OXR1: variants seen among roughly 807,000 people sequenced by gnomAD.
The protein encoded by OXR1 is oxidation resistance protein 1.
A neutral mutation model predicts 104.6 loss-of-function variants in OXR1; 41 were observed. The ratio of observed to expected loss-of-function variants is 0.39; its 90% confidence interval spans 0.31 to 0.51. The LOEUF (loss-of-function observed/expected upper bound fraction) is 0.51, where lower values mean the gene tolerates loss of function less well. Among genes scored for constraint, OXR1 ranks in the 20% least tolerant of loss-of-function variants. The probability of loss-of-function intolerance (pLI) is 0.77; values close to 1 mark genes in which losing one functional copy is unlikely to be tolerated. For synonymous variants in OXR1, 348 were observed against 348.4 expected, an observed-to-expected ratio of 1.00 and a Z score of 0.01; for missense variants, 955 against 1,031.9, an observed-to-expected ratio of 0.93 and a Z score of 1.02.
intron 3 of OXR1, among the ~76,000 whole-genome samples, chr8:106,561,613 G>A (rs745978643): frequency 2.6e-5 from 4 of 152,150 alleles, no homozygotes; most frequent in Non-Finnish European, 2.9e-5. Context: ...CCAGCAGAGC[G>A]ATCGAGCTCT....
rs762129093 is a variant in OXR1, at chr8:106,713,886, C to A, written c.1857C>A (p.Gly619=). 1 of 1,590,136 alleles carries A rather than the reference C, an allele frequency of 6.3e-7. No homozygotes were observed. Among genetic ancestry groups the A allele is most frequent in the Admixed American group, 1.8e-5 (1 of 54,084 alleles). ...WSPEIYAEDT[G]EYTREPGFIV... ...CAGAAATATATGCAGAAGATACTGG[C>A]GAATATACCAGAGAACCTGGATTTA... The change falls in exon 11 of 17, where the codon GGC becomes GGA. Residue 619 remains glycine, a synonymous_variant. Transcript: ENST00000517566.
At chr8:106,413,542 A>G (rs1045450431) in intron 2 of OXR1, among the ~76,000 whole-genome samples, 1 of 152,142 alleles carries the variant, frequency 6.6e-6, no homozygotes, top group African/African-American at 2.4e-5. Flanking sequence ...GTAACACTGA[A>G]AAGACTTTTA....
chr8:106,566,392 A>C (rs1817077214), intron 3 of OXR1, among the ~76,000 whole-genome samples: 1 of 152,160 alleles, frequency 6.6e-6, no homozygotes, highest in African/African-American at 2.4e-5. Context: ...CTGGTCATTA[A>C]AGAAATGCAA....
intron 3 of OXR1, among the ~76,000 whole-genome samples, chr8:106,577,924 T>C (rs943588670): frequency 6.6e-6 from 1 of 152,204 alleles, no homozygotes; most frequent in Non-Finnish European, 1.5e-5. Flanking sequence ...CAGCAACTAC[T>C]GAATTCAGTT....
intron 2 of OXR1, among the ~76,000 whole-genome samples, chr8:106,374,174 A>T (rs921581930): frequency 1.3e-5 from 2 of 152,194 alleles, no homozygotes; most frequent in Admixed American, 1.3e-4. Context: ...CTAGACACAC[A>T]TAGATCACTG....
At chr8:106,623,878 A>G (rs910603294) in intron 3 of OXR1, among the ~76,000 whole-genome samples, 4 of 152,218 alleles carry the variant, frequency 2.6e-5, no homozygotes, top group Non-Finnish European at 4.4e-5. Flanking sequence ...ATCATGTGAG[A>G]AAATTGTCCA....
At chr8:106,337,388 T>C (rs929053488) in intron 1 of OXR1, among the ~76,000 whole-genome samples, 2 of 152,248 alleles carry the variant, frequency 1.3e-5, no homozygotes, top group South Asian at 2.1e-4. Flanking sequence ...CTTGACATTT[T>C]ATGAGATATT....
At chr8:106,328,814 C>T (rs926369392) in intron 1 of OXR1, among the ~76,000 whole-genome samples, 3 of 152,162 alleles carry the variant, frequency 2.0e-5, no homozygotes, top group African/African-American at 7.2e-5. Flanking sequence ...TTTCTTATTC[C>T]AGAGTCAATA....
intron 1 of OXR1, among the ~76,000 whole-genome samples, chr8:106,336,984 C>T (rs915569141): frequency 6.6e-6 from 1 of 152,260 alleles, no homozygotes; most frequent in Non-Finnish European, 1.5e-5. Context: ...TAAAACTGTA[C>T]TTATATTTTG....
At chr8:106,373,239 A>G (rs1365323512) in intron 2 of OXR1, among the ~76,000 whole-genome samples, 1 of 152,176 alleles carries the variant, frequency 6.6e-6, no homozygotes, top group Non-Finnish European at 1.5e-5. Flanking sequence ...AATCCTTCAT[A>G]GATACTAAGG....
At chr8:106,574,443 C>G (rs1321469655) in intron 3 of OXR1, among the ~76,000 whole-genome samples, 1 of 152,208 alleles carries the variant, frequency 6.6e-6, no homozygotes, top group Non-Finnish European at 1.5e-5. Context: ...AGAAACATGA[C>G]CCAAATGTTG....
rs147809369 is a variant in OXR1, at chr8:106,482,861, A to T, written c.24-36082A>T. 7.7e-3 allele frequency among the ~76,000 whole-genome samples: 1,166 copies of T among 151,772 alleles called. 16 individuals carry two copies. Among genetic ancestry groups the T allele is most frequent in the African/African-American group, 0.027 (1,102 of 41,388 alleles). The stretch of plus-strand genomic sequence containing the variant: ...TCATGATGTGTAAAAATTTAGATCA[A>T]TTTTTTTAGTAATGAGTACAGAGTG... On this transcript the variant is annotated intron_variant, in intron 2 of 16. Transcript: ENST00000517566.
intron 1 of OXR1, among the ~76,000 whole-genome samples, chr8:106,318,170 AT>A (rs1814054680): frequency 6.6e-6 from 1 of 152,232 alleles, no homozygotes; most frequent in African/African-American, 2.4e-5. Context: ...ATTAAAAAAA[AT>A]CAATGGCTTT....
At chr8:106,378,072 A>G (rs553598993) in intron 2 of OXR1, among the ~76,000 whole-genome samples, 1 of 152,310 alleles carries the variant, frequency 6.6e-6, no homozygotes, top group Admixed American at 6.5e-5. Context: ...ATAAGTGCAT[A>G]TCTATATTAA....
intron 10 of OXR1, among the ~76,000 whole-genome samples, chr8:106,711,262 G>C (rs1192824314): frequency 6.6e-6 from 1 of 152,056 alleles, no homozygotes; most frequent in Non-Finnish European, 1.5e-5. Context: ...TTAAGCGGTT[G>C]TAAAAGATGT....
intron 11 of OXR1, chr8:106,726,089 C>T (rs1587253868): frequency 4.1e-6 from 5 of 1,208,918 alleles, no homozygotes; most frequent in Non-Finnish European, 5.5e-6. Context: ...TAGTGATTAG[C>T]TCTCTCTCTT....
intron 2 of OXR1, among the ~76,000 whole-genome samples, chr8:106,410,727 T>C (rs745504487): frequency 5.3e-5 from 8 of 152,228 alleles, no homozygotes; most frequent in East Asian, 1.9e-4. Flanking sequence ...GACTTACTGG[T>C]ATAAGAAAAA....
At chr8:106,496,421 T>C (rs1811413343) in intron 2 of OXR1, among the ~76,000 whole-genome samples, 1 of 152,192 alleles carries the variant, frequency 6.6e-6, no homozygotes, top group Admixed American at 6.5e-5. Context: ...TAGTGTAAAA[T>C]ACATGGTTTA....
chr8:106,275,194 A>G (rs971148371), intron 1 of OXR1, among the ~76,000 whole-genome samples: 3 of 152,254 alleles, frequency 2.0e-5, no homozygotes, highest in African/African-American at 7.2e-5. Flanking sequence ...AGTTACATGG[A>G]TTTCTGTACA....
Sources: gnomAD v4.1 joint callset for allele counts (sites outside exome capture counted in the v4.1 genomes callset) on GRCh38, gnomAD v4.1.1 for gene constraint, MANE v1.5 for transcripts, NCBI Gene and HGNC (gene_info 2026-07-23, HGNC 2026-07-21) for gene names.